RABGAP1L: variants seen among roughly 807,000 people sequenced by gnomAD.
RABGAP1L encodes the protein rab GTPase-activating protein 1-like.
Under a neutral mutation model 137.7 loss-of-function variants are expected in RABGAP1L, and 63 were observed. That is an observed-to-expected ratio of 0.46 (90% confidence interval 0.37 to 0.56). The LOEUF (loss-of-function observed/expected upper bound fraction) is 0.56. RABGAP1L is among the 20% of genes least tolerant of loss of function. RABGAP1L has a pLI of 0.00. For synonymous variants in RABGAP1L, 431 were observed against 433.7 expected, an observed-to-expected ratio of 0.99 and a Z score of 0.08; for missense variants, 1,095 against 1,244.0, an observed-to-expected ratio of 0.88 and a Z score of 1.80.
intron 8 of RABGAP1L, among the ~76,000 whole-genome samples, chr1:174,274,378 T>C (rs1198014010): frequency 6.6e-6 from 1 of 152,168 alleles, no homozygotes; most frequent in Admixed American, 6.6e-5. Context: ...TAATGTATTT[T>C]TACTGTACCT....
rs75085077 is a variant in RABGAP1L at position 174,972,082 on chromosome 1, T to C, written c.2544+2695T>C. Among the ~76,000 whole-genome samples, 20 of 152,280 alleles carry C rather than the reference T, an allele frequency of 1.3e-4. No individual in the cohort carries two copies. The East Asian group carries it at 3.9e-3, about 29-fold the overall frequency. ...GATTCCTTAAATAAAGATTTCTCAG[T>C]GATTAGAAGTGAAAAAAAGGTGCAA... On this transcript the variant is annotated intron_variant, in intron 21 of 25. Coordinates refer to ENST00000681986, the MANE Select transcript of RABGAP1L (RefSeq NM_001366446.1).
At chr1:174,167,206 G>GT (rs1263375323) in intron 1 of RABGAP1L, among the ~76,000 whole-genome samples, 1 of 150,318 alleles carries the variant, frequency 6.7e-6, no homozygotes, top group Non-Finnish European at 1.5e-5. Context: ...TTCTGTTAAA[G>GT]TTTTTTCCCC....
intron 13 of RABGAP1L, among the ~76,000 whole-genome samples, chr1:174,543,086 G>C (rs1208619225): frequency 1.4e-4 from 22 of 152,172 alleles, no homozygotes; most frequent in Non-Finnish European, 4.4e-5. Flanking sequence ...TTGGGGTGGA[G>C]AGTTCTGTAG....
At chr1:174,550,398 G>A (rs1666335799) in intron 13 of RABGAP1L, among the ~76,000 whole-genome samples, 1 of 152,108 alleles carries the variant, frequency 6.6e-6, no homozygotes, top group Admixed American at 6.5e-5. Flanking sequence ...CACTCCAGTG[G>A]CCATGCTTCT....
chr1:174,236,619 C>T (rs1280714676), intron 4 of RABGAP1L, among the ~76,000 whole-genome samples: 3 of 149,736 alleles, frequency 2.0e-5, no homozygotes, highest in Admixed American at 6.6e-5. Context: ...TTTGATTGCA[C>T]TGTGGTCTGA....
At chr1:174,900,536 CATTCCT>C (rs1657970727) in intron 19 of RABGAP1L, among the ~76,000 whole-genome samples, 1 of 152,204 alleles carries the variant, frequency 6.6e-6, no homozygotes, top group Non-Finnish European at 1.5e-5. Flanking sequence ...AAGCCATTCA[CATTCCT>C]GTCATTACTG....
In RABGAP1L at chr1:174,722,346, T is replaced by G. The variant is rs141687212; in HGVS notation, c.2169+20090T>G. On this transcript the variant is annotated intron_variant, in intron 17 of 25. Transcript: ENST00000681986. ...TTCTACACTTACACGAATGGTATAT[T>G]ATATTGTTTTGTTATATGTAAGATG... 2.4e-4 allele frequency among the ~76,000 whole-genome samples: 36 copies of G among 152,348 alleles called. No homozygotes were observed. The East Asian group carries it at 5.8e-3, about 24-fold the overall frequency.
chr1:174,455,092 G>A (rs1655897711), intron 13 of RABGAP1L, among the ~76,000 whole-genome samples: 1 of 152,102 alleles, frequency 6.6e-6, no homozygotes, highest in African/African-American at 2.4e-5. Context: ...TTTAGCAGGA[G>A]TCTGTTATGT....
chr1:174,579,544 A>G (rs189278961), intron 13 of RABGAP1L, among the ~76,000 whole-genome samples: 93 of 152,328 alleles, frequency 6.1e-4, no homozygotes, highest in African/African-American at 1.9e-3. Flanking sequence ...TAATTCCACA[A>G]AGTTAAGAAT....
chr1:174,948,415 G>T (rs1416096226), intron 19 of RABGAP1L, among the ~76,000 whole-genome samples: 15 of 147,666 alleles, frequency 1.0e-4, no homozygotes, highest in Non-Finnish European at 2.1e-4. Flanking sequence ...CCAGCTACAG[G>T]CTAAGAGGTG....
intron 18 of RABGAP1L, chr1:174,756,989 A>G: frequency 1.1e-6 from 1 of 926,222 alleles, no homozygotes; most frequent in South Asian, 1.3e-5. Context: ...GCCAAGGACA[A>G]CATAGGCCTT....
At chr1:174,325,260 TC>T (rs1187088525) in intron 11 of RABGAP1L, among the ~76,000 whole-genome samples, 1 of 152,236 alleles carries the variant, frequency 6.6e-6, no homozygotes, top group Admixed American at 6.5e-5. Context: ...AATTTTAGCA[TC>T]GTGGCAGTTT....
intron 19 of RABGAP1L, among the ~76,000 whole-genome samples, chr1:174,927,068 G>T (rs932924806): frequency 2.7e-5 from 4 of 146,634 alleles, no homozygotes; most frequent in Non-Finnish European, 6.0e-5. Flanking sequence ...ATAAGACTCC[G>T]TCTCAAAAAA....
At chr1:174,360,101 A>G (rs926213460) in intron 11 of RABGAP1L, among the ~76,000 whole-genome samples, 2 of 152,154 alleles carry the variant, frequency 1.3e-5, no homozygotes, top group African/African-American at 4.8e-5. Flanking sequence ...TTATAGTTCT[A>G]ATATCCTTTT....
intron 19 of RABGAP1L, among the ~76,000 whole-genome samples, chr1:174,880,483 AAAAG>A (rs1654002381): frequency 6.6e-6 from 1 of 152,066 alleles, no homozygotes; most frequent in Non-Finnish European, 1.5e-5. Context: ...ACAGAAAAAA[AAAAG>A]AGGATCTTGA....
chr1:174,353,561 G>A (rs1055519659), intron 11 of RABGAP1L, among the ~76,000 whole-genome samples: 1 of 152,178 alleles, frequency 6.6e-6, no homozygotes, highest in African/African-American at 2.4e-5. Flanking sequence ...GACCCAGAGT[G>A]CTTTAGCCCG....
intron 19 of RABGAP1L, among the ~76,000 whole-genome samples, chr1:174,884,145 A>G (rs557713136): frequency 1.3e-5 from 2 of 152,366 alleles, no homozygotes; most frequent in East Asian, 1.9e-4. Flanking sequence ...ACACATGGCT[A>G]TACTATATTG....
chr1:174,886,441 T>C (rs1188174113), intron 19 of RABGAP1L, among the ~76,000 whole-genome samples: 3 of 152,256 alleles, frequency 2.0e-5, no homozygotes, highest in Non-Finnish European at 4.4e-5. Context: ...CAAAACAGTG[T>C]AGCCCTGTAA....
chr1:174,530,962 A>G (rs987417394), intron 13 of RABGAP1L, among the ~76,000 whole-genome samples: 6 of 152,156 alleles, frequency 3.9e-5, no homozygotes, highest in African/African-American at 1.4e-4. Flanking sequence ...TATCTCTAGA[A>G]AACAGTACAG....
Sources: allele counts gnomAD v4.1 joint callset (sites outside exome capture counted in the v4.1 genomes callset), GRCh38; gene constraint gnomAD v4.1.1; transcripts MANE v1.5; gene names NCBI Gene and HGNC (gene_info 2026-07-23, HGNC 2026-07-21).